Variants in PREX1 observed in about 807,000 individuals in gnomAD.
PREX1 encodes phosphatidylinositol 3,4,5-trisphosphate-dependent Rac exchanger 1 protein.
In PREX1, 41 loss-of-function variants were observed where a neutral mutation model predicts 198.3. The observed-to-expected ratio is 0.21, with a 90% confidence interval of 0.16 to 0.27. The LOEUF is 0.27. Among genes scored for constraint, PREX1 ranks in the 10% least tolerant of loss-of-function variants. The probability of loss-of-function intolerance (pLI) is 1.00; values close to 1 mark genes in which losing one functional copy is unlikely to be tolerated. For missense variants in PREX1, 1,620 were observed against 2,200.7 expected, an observed-to-expected ratio of 0.74 and a Z score of 5.28; for synonymous variants, 843 against 887.2, an observed-to-expected ratio of 0.95 and a Z score of 0.89.
At chr20:48,801,235 C>A (rs1034598196) in intron 1 of PREX1, among the ~76,000 whole-genome samples, 1 of 152,198 alleles carries the variant, frequency 6.6e-6, no homozygotes, top group African/African-American at 2.4e-5. Flanking sequence ...TTGTGGAAAC[C>A]ATGCGAGCTG....
the PREX1 span, among the ~76,000 whole-genome samples, chr20:48,849,898 G>A: frequency 6.6e-6 from 1 of 152,164 alleles, no homozygotes; most frequent in South Asian, 2.1e-4. Context: ...TAGCATCAAA[G>A]TTGTAGTGGG....
At chr20:48,749,825 C>T (rs553381322) in intron 1 of PREX1, among the ~76,000 whole-genome samples, 1 of 152,216 alleles carries the variant, frequency 6.6e-6, no homozygotes, top group East Asian at 1.9e-4. Context: ...TTACTTATAT[C>T]CTACTCTTCA....
the PREX1 span, among the ~76,000 whole-genome samples, chr20:48,845,222 C>T: frequency 3.9e-5 from 6 of 152,110 alleles, no homozygotes; most frequent in East Asian, 7.7e-4. Context: ...CTTATATTTC[C>T]GGTTAGAGGG....
At chr20:48,792,853 C>CACACACACACACACACACAT (rs1256864071) in intron 1 of PREX1, among the ~76,000 whole-genome samples, 33 of 145,354 alleles carry the variant, frequency 2.3e-4, no homozygotes, top group African/African-American at 7.9e-4. Context: ...CACACACACA[C>CACACACACACACACACACAT]ATAGTATGAT....
intron 1 of PREX1, among the ~76,000 whole-genome samples, chr20:48,809,865 T>C (rs928493499): frequency 1.3e-5 from 2 of 152,128 alleles, no homozygotes; most frequent in Non-Finnish European, 2.9e-5. Flanking sequence ...TCCTGTTTAA[T>C]AGCTGATGTT....
intron 1 of PREX1, among the ~76,000 whole-genome samples, chr20:48,809,679 T>C (rs778684941): frequency 4.1e-4 from 62 of 152,124 alleles, no homozygotes; most frequent in Non-Finnish European, 7.4e-4. Flanking sequence ...AGGCCACCAA[T>C]AGGCTGCCCA....
chr20:48,854,827 A>G, the PREX1 span, among the ~76,000 whole-genome samples: 1 of 152,174 alleles, frequency 6.6e-6, no homozygotes, highest in Non-Finnish European at 1.5e-5. Flanking sequence ...AGGGAATTTC[A>G]TTCCTTGAAG....
At chr20:48,668,600 G>C (rs1165167407) in intron 14 of PREX1, among the ~76,000 whole-genome samples, 3 of 152,224 alleles carry the variant, frequency 2.0e-5, no homozygotes, top group Admixed American at 2.0e-4. Context: ...GGAGACAGGG[G>C]TGCTATTCAG....
chr20:48,887,727 A>C, the PREX1 span, among the ~76,000 whole-genome samples: 5 of 152,196 alleles, frequency 3.3e-5, no homozygotes, highest in Admixed American at 6.5e-5. Flanking sequence ...TGGGCGGATC[A>C]CGATGTCAAG....
Position 48,629,518 on chromosome 20 carries a change from G to A in PREX1, c.4697C>T (p.Pro1566Leu). The change falls in exon 37 of 40, where the codon CCC (proline) becomes CTC (leucine). Residue 1566 changes from proline (P) to leucine (L), a missense_variant. By Grantham distance (98) the Pro-to-Leu change is moderately conservative. Coordinates refer to ENST00000371941, the MANE Select transcript of PREX1 (RefSeq NM_020820.4). ...AAGSVGAGLI[P>L]ISSELCYRLG... ...GCGGTAGCAGAGCTCCGAGGAGATGGGGATGAGGCCGGCGCCCACACTCCC... is the reference window on the plus strand; with the variant it reads ...GCGGTAGCAGAGCTCCGAGGAGATGAGGATGAGGCCGGCGCCCACACTCCC... 1 of 1,614,122 alleles carries A rather than the reference G, an allele frequency of 6.2e-7. No individual in the cohort carries two copies. The highest frequency in any genetic ancestry group is 1.3e-5 in the African/African-American group (1 of 75,064).
chr20:48,644,509 C>T lies in PREX1; in HGVS notation c.3513-12G>A, dbSNP rs1390884822. 1 of 1,611,066 alleles carries T rather than the reference C, an allele frequency of 6.2e-7. No homozygotes were observed. Among genetic ancestry groups the T allele is most frequent in the Non-Finnish European group, 8.5e-7 (1 of 1,178,110 alleles). On this transcript the variant is annotated splice_polypyrimidine_tract_variant and intron_variant, in intron 26 of 39. Transcript: ENST00000371941. The stretch of plus-strand genomic sequence containing the variant: ...TGCTGTTACACTCGCTGCAAAGGGG[C>T]CCAGAGAAGGGGCTGAGTCACCCTG...
At chr20:48,800,944 C>T (rs1443759002) in intron 1 of PREX1, among the ~76,000 whole-genome samples, 1 of 152,128 alleles carries the variant, frequency 6.6e-6, no homozygotes. Flanking sequence ...GTGTGGGCCA[C>T]CGCACTCAGC....
At chr20:48,819,926 C>T (rs996522302) in intron 1 of PREX1, among the ~76,000 whole-genome samples, 2 of 152,220 alleles carry the variant, frequency 1.3e-5, no homozygotes, top group South Asian at 2.1e-4. Flanking sequence ...CTGAGAGATG[C>T]ACAGAAGCCA....
the PREX1 span, among the ~76,000 whole-genome samples, chr20:48,861,912 A>G: frequency 6.6e-6 from 1 of 152,108 alleles, no homozygotes; most frequent in African/African-American, 2.4e-5. Flanking sequence ...CGAAAAATAG[A>G]GAAAATGAAA....
the PREX1 span, among the ~76,000 whole-genome samples, chr20:48,853,665 C>T: frequency 6.6e-6 from 1 of 152,118 alleles, no homozygotes; most frequent in Non-Finnish European, 1.5e-5. Flanking sequence ...ACACACACAT[C>T]CAACGCACAT....
At chr20:48,815,085 G>A (rs1044051036) in intron 1 of PREX1, among the ~76,000 whole-genome samples, 2 of 152,172 alleles carry the variant, frequency 1.3e-5, no homozygotes, top group Non-Finnish European at 2.9e-5. Flanking sequence ...TCACCAGGAA[G>A]ACATAATCAT....
chr20:48,882,931 C>CTTTTTT, the PREX1 span, among the ~76,000 whole-genome samples: 1 of 123,704 alleles, frequency 8.1e-6, no homozygotes, highest in Non-Finnish European at 1.7e-5. Flanking sequence ...TTGGGTTGTC[C>CTTTTTT]TTTTTTTTTT....
intron 2 of PREX1, among the ~76,000 whole-genome samples, chr20:48,746,616 G>T (rs2090108513): frequency 6.6e-6 from 1 of 152,088 alleles, no homozygotes; most frequent in African/African-American, 2.4e-5. Context: ...GACTGAGGGG[G>T]GCCCAGAGTG....
chr20:48,708,989 G>T (rs925392439), intron 5 of PREX1, among the ~76,000 whole-genome samples: 1 of 152,140 alleles, frequency 6.6e-6, no homozygotes, highest in Non-Finnish European at 1.5e-5. Flanking sequence ...CTGAGCAAAT[G>T]AAGTGGCTCT....
Sources: gnomAD v4.1 joint callset for allele counts (sites outside exome capture counted in the v4.1 genomes callset) on GRCh38, gnomAD v4.1.1 for gene constraint, MANE v1.5 for transcripts, NCBI Gene and HGNC (gene_info 2026-07-23, HGNC 2026-07-21) for gene names.